Variants in SLC5A10 observed in about 807,000 individuals in gnomAD.
SLC5A10 encodes sodium/mannose cotransporter SLC5A10.
Under a neutral mutation model 68.9 loss-of-function variants are expected in SLC5A10, and 55 were observed. The observed-to-expected ratio is 0.80, with a 90% CI of 0.64 to 1.00. The LOEUF (loss-of-function observed/expected upper bound fraction) is 1.00, where lower values mean the gene tolerates loss of function less well. SLC5A10 is among the 50% of genes least tolerant of loss of function. SLC5A10 has a pLI of 0.00. For missense variants in SLC5A10, 732 were observed against 819.3 expected, an observed-to-expected ratio of 0.89 and a Z score of 1.30; for synonymous variants, 344 against 344.8, an observed-to-expected ratio of 1.00 and a Z score of 0.02.
intron 8 of SLC5A10, among the ~76,000 whole-genome samples, chr17:18,975,412 G>A (rs547029762): frequency 6.6e-6 from 1 of 152,314 alleles, no homozygotes; most frequent in African/African-American, 2.4e-5. Flanking sequence ...GGAGGCAGCC[G>A]GATGCGGTGG....
Position 19,020,607 on chromosome 17 carries a change from T to C in SLC5A10, c.*176T>C, listed in dbSNP as rs2152166481. The stretch of plus-strand genomic sequence containing the variant: ...GAGCCCTGAAAAATTAGGGGGGAAA[T>C]GGGAGAAAATAATGTGACATTTCAA... On this transcript the variant is annotated 3_prime_UTR_variant, in exon 15 of 15. Coordinates refer to ENST00000395645, the MANE Select transcript of SLC5A10 (RefSeq NM_001042450.4). The C allele has an allele frequency of 1.7e-6, 1 of 596,448 alleles. No homozygotes were observed. The highest frequency in any genetic ancestry group is 2.8e-5 in the East Asian group (1 of 36,090). 36.9% of individuals were successfully genotyped at this position (596,448 alleles called of 1,614,324 possible).
chr17:19,016,428 C>A (rs1486493961), intron 11 of SLC5A10, among the ~76,000 whole-genome samples: 2 of 152,120 alleles, frequency 1.3e-5, no homozygotes, highest in African/African-American at 4.8e-5. Context: ...CCAGTCCCAC[C>A]CTCTTGTTGT....
intron 8 of SLC5A10, chr17:18,976,001 C>A (rs2042967109): frequency 6.6e-6 from 1 of 151,840 alleles, no homozygotes; most frequent in Non-Finnish European, 1.5e-5. Context: ...TCCTGGCTAA[C>A]AAGGTGAAAC....
intron 9 of SLC5A10, among the ~76,000 whole-genome samples, chr17:18,981,358 G>GGC: frequency 6.6e-6 from 1 of 152,182 alleles, no homozygotes; most frequent in Non-Finnish European, 1.5e-5. Flanking sequence ...AGCGAGCAGG[G>GGC]GCGGGCTCCT....
chr17:18,970,933 GA>G (rs1304681655), intron 7 of SLC5A10, 79 bp from the exon 8 acceptor site: 1 of 1,377,606 alleles, frequency 7.3e-7, no homozygotes, highest in Non-Finnish European at 1.0e-6. Context: ...AGTTTCTTGT[GA>G]GATGAAGGCA....
rs1451270586 is a variant in SLC5A10 at position 18,971,656 on chromosome 17, G to A, written c.846+438G>A. 2 of 1,613,240 alleles carry A rather than the reference G, an allele frequency of 1.2e-6. No individual in the cohort carries two copies. Among genetic ancestry groups the A allele is most frequent in the South Asian group, 1.1e-5 (1 of 91,070 alleles). On this transcript the variant is annotated intron_variant, in intron 8 of 14. Coordinates refer to ENST00000395645, the MANE Select transcript of SLC5A10 (RefSeq NM_001042450.4). The surrounding 1 kb of genome is among the most constrained non-coding windows in gnomAD (Gnocchi z 5.5). Reference sequence around the variant, plus strand: ...CGTTTCTGGTAGAGCTCTGGACGCTGTCAGCAGCAGAGCGGTACCTAGGGG... The same window carrying A: ...CGTTTCTGGTAGAGCTCTGGACGCTATCAGCAGCAGAGCGGTACCTAGGGG...
chr17:18,994,876 C>A (rs1333655699), intron 9 of SLC5A10, among the ~76,000 whole-genome samples: 1 of 152,180 alleles, frequency 6.6e-6, no homozygotes, highest in African/African-American at 2.4e-5. Context: ...TATCTATGTT[C>A]TATTGTTTAT....
At chr17:18,960,467 C>G (rs531939070) in intron 4 of SLC5A10, 81 bp from the exon 5 acceptor site, 66 of 1,215,008 alleles carry the variant, frequency 5.4e-5, no homozygotes, top group African/African-American at 4.9e-4. Flanking sequence ...GGGGGAGAGG[C>G]AGAGTGATTG....
At chr17:18,974,256 C>T (rs1163511614) in intron 8 of SLC5A10, among the ~76,000 whole-genome samples, 1 of 152,128 alleles carries the variant, frequency 6.6e-6, no homozygotes, top group African/African-American at 2.4e-5. Flanking sequence ...GAACTCCTGA[C>T]CTCAAGTAAT....
At chr17:18,995,059 G>A (rs1398534379) in intron 9 of SLC5A10, among the ~76,000 whole-genome samples, 9 of 152,038 alleles carry the variant, frequency 5.9e-5, no homozygotes, top group Admixed American at 5.9e-4. Context: ...AATATTTAAA[G>A]GAGAAAACAA....
At chr17:18,984,383 C>A (rs2472713) in intron 9 of SLC5A10, among the ~76,000 whole-genome samples, 16 of 150,644 alleles carry the variant, frequency 1.1e-4, no homozygotes, top group South Asian at 4.2e-4. Context: ...CCTGAATCCA[C>A]CACAGACCCA....
Position 19,022,032 on chromosome 17 carries a change from T to C in SLC5A10, c.*1601T>C. The C allele has an allele frequency of 1.9e-6, 3 of 1,598,256 alleles. No homozygotes were observed. The highest frequency in any genetic ancestry group is 1.7e-6 in the Non-Finnish European group (2 of 1,173,076). On this transcript the variant is annotated 3_prime_UTR_variant, in exon 15 of 15. Coordinates refer to ENST00000395645, the MANE Select transcript of SLC5A10 (RefSeq NM_001042450.4). ...CCCGCAGGACCGGCCCCGCCACCAG[T>C]GGGGGTCTGGGCGCTCCAGGACCTC...
rs984880598 is a variant in SLC5A10 at position 18,968,570 on chromosome 17, G to A, written c.454-482G>A. On this transcript the variant is annotated intron_variant, in intron 5 of 14. Coordinates refer to ENST00000395645, the MANE Select transcript of SLC5A10 (RefSeq NM_001042450.4). The surrounding 1 kb of genome is among the most constrained non-coding windows in gnomAD (Gnocchi z 4.1). ...ATTGGCTTCAGTTCCAAACCCACTGGGGGGTGGGGGCAGGAAGCAAGGCTG... is the reference window on the plus strand; with the variant it reads ...ATTGGCTTCAGTTCCAAACCCACTGAGGGGTGGGGGCAGGAAGCAAGGCTG... Among the ~76,000 whole-genome samples the A allele has an allele frequency of 1.6e-4, 25 of 152,284 alleles. No homozygotes were observed. Among genetic ancestry groups the A allele is most frequent in the South Asian group, 1.0e-3 (5 of 4,820 alleles).
In SLC5A10 at chr17:19,017,168, G is replaced by C; in HGVS notation, c.1241+1969G>C. ...CAAGGCACAAGGCTGCGTGGTGCAGGGCAGGTTGCTCACCCTCTCTGGGCC... is the reference window on the plus strand; with the variant it reads ...CAAGGCACAAGGCTGCGTGGTGCAGCGCAGGTTGCTCACCCTCTCTGGGCC... On this transcript the variant is annotated intron_variant, in intron 11 of 14. Coordinates refer to ENST00000395645, the MANE Select transcript of SLC5A10 (RefSeq NM_001042450.4). The surrounding 1 kb of genome is among the most constrained non-coding windows in gnomAD (Gnocchi z 5.6). 1.2e-6 allele frequency: 1 copy of C among 866,410 alleles called. No homozygotes were observed. Among genetic ancestry groups the C allele is most frequent in the Non-Finnish European group, 1.8e-6 (1 of 543,242 alleles). The allele number at this position is 866,410 out of a possible 1,614,324, so 53.7% of individuals were successfully genotyped here.
At position 18,952,317 on chromosome 17, in the gene SLC5A10, G is replaced by A. The variant is rs1339877201; in HGVS notation, c.111+1G>A. 5.6e-6 allele frequency: 9 copies of A among 1,610,882 alleles called. No homozygotes were observed. Among genetic ancestry groups the A allele is most frequent in the Middle Eastern group, 1.6e-4 (1 of 6,078 alleles). On this transcript the variant is annotated splice_donor_variant, in intron 1 of 14. Coordinates refer to ENST00000395645, the MANE Select transcript of SLC5A10 (RefSeq NM_001042450.4). LOFTEE classifies it high-confidence loss of function. ...TCTGAATGTGGCCGTGGGCATATGG[G>A]TAAGGGGACCTGTGGTGGTGTTGGC...
intron 10 of SLC5A10, among the ~76,000 whole-genome samples, chr17:19,014,251 C>A (rs974874354): frequency 6.6e-6 from 1 of 152,246 alleles, no homozygotes; most frequent in Non-Finnish European, 1.5e-5. Flanking sequence ...AGAGGGGAGG[C>A]GACCAGCCTG....
chr17:18,984,074 G>A (rs1234812452), intron 9 of SLC5A10, among the ~76,000 whole-genome samples: 2 of 152,196 alleles, frequency 1.3e-5, no homozygotes, highest in Non-Finnish European at 2.9e-5. Flanking sequence ...CGGGCGCGGT[G>A]GCTCACGCCT....
intron 9 of SLC5A10, among the ~76,000 whole-genome samples, chr17:18,995,422 C>G: frequency 6.6e-6 from 1 of 152,142 alleles, no homozygotes; most frequent in Non-Finnish European, 1.5e-5. Context: ...TAAGTAGAAA[C>G]TGTCCAAAAT....
At chr17:18,998,935 C>T (rs913084010) in intron 9 of SLC5A10, among the ~76,000 whole-genome samples, 5 of 152,200 alleles carry the variant, frequency 3.3e-5, no homozygotes, top group African/African-American at 1.2e-4. Context: ...GAGTCCCCGT[C>T]CCAGCCCTCC....
Sources: allele counts gnomAD v4.1 joint callset (sites outside exome capture counted in the v4.1 genomes callset), GRCh38; gene constraint gnomAD v4.1.1; non-coding constraint Gnocchi (gnomAD v3.1); transcripts MANE v1.5; gene names NCBI Gene and HGNC (gene_info 2026-07-23, HGNC 2026-07-21).